GXYLT2: variants seen among roughly 807,000 people sequenced by gnomAD.
GXYLT2 encodes glucoside xylosyltransferase 2.
A neutral mutation model predicts 45.8 loss-of-function variants in GXYLT2; 53 were observed. The ratio of observed to expected loss-of-function variants is 1.16; its 90% CI spans 0.93 to 1.46. The LOEUF (loss-of-function observed/expected upper bound fraction) is 1.46, where lower values mean the gene tolerates loss of function less well. Among genes scored for constraint, GXYLT2 ranks in the 40% most tolerant of loss-of-function variants. GXYLT2 has a pLI of 0.00. For missense variants in GXYLT2, 551 were observed against 544.4 expected (o/e 1.01, Z -0.12); for synonymous variants, 219 against 214.2 (o/e 1.02, Z -0.19).
intron 2 of GXYLT2, among the ~76,000 whole-genome samples, chr3:72,910,215 T>C (rs1278813587): frequency 6.6e-6 from 1 of 152,142 alleles, no homozygotes; most frequent in Non-Finnish European, 1.5e-5. Context: ...AAGGTAACCT[T>C]TGAAGAAGGT....
At chr3:72,958,755 C>T (rs966623003) in intron 5 of GXYLT2, among the ~76,000 whole-genome samples, 3 of 151,400 alleles carry the variant, frequency 2.0e-5, no homozygotes, top group Admixed American at 6.6e-5. Flanking sequence ...CCTCAGCCTC[C>T]CAAGTAGCGG....
intron 3 of GXYLT2, among the ~76,000 whole-genome samples, chr3:72,950,175 T>G (rs1710494929): frequency 6.6e-6 from 1 of 151,646 alleles, no homozygotes; most frequent in Admixed American, 6.6e-5. Context: ...ACAAAAAAAT[T>G]AGCAGCTGGG....
chr3:72,897,024 AATG>A (rs1022031870), intron 1 of GXYLT2, among the ~76,000 whole-genome samples: 21 of 152,200 alleles, frequency 1.4e-4, no homozygotes, highest in Admixed American at 9.2e-4. Flanking sequence ...TAATAGTAAT[AATG>A]ATGATGATAA....
chr3:72,896,907 A>C (rs1037771917), intron 1 of GXYLT2, among the ~76,000 whole-genome samples: 8 of 152,142 alleles, frequency 5.3e-5, no homozygotes, highest in African/African-American at 1.9e-4. Context: ...AGTAAGGTAG[A>C]ATGTTGACAC....
At chr3:72,893,401 A>C (rs1709220028) in intron 1 of GXYLT2, among the ~76,000 whole-genome samples, 1 of 152,158 alleles carries the variant, frequency 6.6e-6, no homozygotes, top group East Asian at 1.9e-4. Context: ...GACTATGCTC[A>C]AATGTTTTCT....
chr3:72,957,301 A>C lies in GXYLT2; in HGVS notation c.925A>C (p.Ile309Leu), dbSNP rs775867982. The C allele has an allele frequency of 8.1e-6, 13 of 1,613,484 alleles. No homozygotes were observed. Among genetic ancestry groups the C allele is most frequent in the Non-Finnish European group, 1.1e-5 (13 of 1,179,570 alleles). The change falls in exon 5 of 7, where the codon ATC becomes CTC. Residue 309 changes from isoleucine (I) to leucine (L), a missense_variant. By Grantham distance (5) the Ile-to-Leu change is conservative (BLOSUM62 2). Coordinates refer to ENST00000389617, the MANE Select transcript of GXYLT2 (RefSeq NM_001080393.2). Reference sequence around the variant, plus strand: ...TCTGTACCAGAAGTACAAGAATGCCATCACGTGGGGAGACCAGGATTTATT... The same window carrying C: ...TCTGTACCAGAAGTACAAGAATGCCCTCACGTGGGGAGACCAGGATTTATT... The part of the protein sequence containing the change: ...YPLYQKYKNA[I>L]TWGDQDLLNI...
chr3:72,939,303 C>T (rs571768920), intron 3 of GXYLT2, among the ~76,000 whole-genome samples: 7 of 152,014 alleles, frequency 4.6e-5, no homozygotes, highest in South Asian at 4.2e-4. Context: ...AAAAATTAGC[C>T]GGGCGTGGTG....
chr3:72,899,253 T>G lies in GXYLT2; in HGVS notation c.276-9114T>G, dbSNP rs529276805. On this transcript the variant is annotated intron_variant, in intron 1 of 6. Transcript: ENST00000389617. ...TAGGCTCTGAACACCTCCCATGCGTTAGACCTAGACTTTGTTTAAGAATAC... is the reference window on the plus strand; with the variant it reads ...TAGGCTCTGAACACCTCCCATGCGTGAGACCTAGACTTTGTTTAAGAATAC... Among the ~76,000 whole-genome samples, 7 of 152,342 alleles carry G rather than the reference T, an allele frequency of 4.6e-5. No homozygotes were observed. The South Asian group carries it at 1.2e-3, about 27-fold the overall frequency.
At chr3:72,940,028 C>G (rs565889014) in intron 3 of GXYLT2, among the ~76,000 whole-genome samples, 58 of 152,138 alleles carry the variant, frequency 3.8e-4, no homozygotes, top group African/African-American at 1.4e-3. Flanking sequence ...CGCTGTGGCT[C>G]ACACCTTTAA....
At chr3:72,903,792 A>G (rs1268267447) in intron 1 of GXYLT2, among the ~76,000 whole-genome samples, 2 of 152,242 alleles carry the variant, frequency 1.3e-5, no homozygotes, top group Non-Finnish European at 2.9e-5. Context: ...CGAGGCAGGA[A>G]GAGTCAAAGT....
At chr3:72,967,822 T>C (rs929043890) in intron 6 of GXYLT2, 103 bp downstream of exon 6, 5 of 967,436 alleles carry the variant, frequency 5.2e-6, no homozygotes, top group African/African-American at 1.6e-5. Flanking sequence ...TCCCAAAGCA[T>C]AGAGTTATAC....
chr3:72,940,877 T>C (rs950180377), intron 3 of GXYLT2, among the ~76,000 whole-genome samples: 1 of 152,116 alleles, frequency 6.6e-6, no homozygotes, highest in African/African-American at 2.4e-5. Context: ...AGATTGGATC[T>C]GTATGTTGCC....
At chr3:72,913,433 G>A (rs1243915435) in intron 2 of GXYLT2, among the ~76,000 whole-genome samples, 3 of 151,560 alleles carry the variant, frequency 2.0e-5, no homozygotes, top group African/African-American at 2.4e-5. Flanking sequence ...GATGGCTCAC[G>A]CCTGTAATCC....
chr3:72,951,105 A>G (rs768225241), intron 3 of GXYLT2, among the ~76,000 whole-genome samples: 3 of 152,166 alleles, frequency 2.0e-5, no homozygotes, highest in Non-Finnish European at 4.4e-5. Context: ...CCATTATAAC[A>G]TGGCCAACAA....
chr3:72,905,087 A>G (rs1364792007), intron 1 of GXYLT2, among the ~76,000 whole-genome samples: 1 of 145,820 alleles, frequency 6.9e-6, no homozygotes, highest in Non-Finnish European at 1.5e-5. Context: ...AAAAAAAAAA[A>G]AGGAAAGAAA....
rs2107166286 is a variant in GXYLT2 at position 72,976,687 on chromosome 3, G to T, written c.*1528G>T. ...TCAGCATAGCAATATTTTGCATAAT[G>T]CTTTATTTTTCTCAAATGACTATTG... is the stretch of plus-strand genomic sequence containing the variant. On this transcript the variant is annotated 3_prime_UTR_variant, in exon 7 of 7. Transcript: ENST00000389617. 6.6e-6 allele frequency: 1 copy of T among 152,236 alleles called. No individual in the cohort carries two copies. Among genetic ancestry groups the T allele is most frequent in the East Asian group, 1.9e-4 (1 of 5,182 alleles). The allele number at this position is 152,236 out of a possible 1,614,324, so 9.4% of individuals were successfully genotyped here. A position where few individuals can be genotyped will look rare whatever the true frequency, so the allele number is the denominator to read the frequency against.
chr3:72,937,365 G>T (rs1015537034), intron 3 of GXYLT2, among the ~76,000 whole-genome samples: 3 of 152,206 alleles, frequency 2.0e-5, no homozygotes, highest in African/African-American at 7.2e-5. Context: ...AATAGTTTAA[G>T]AAATGCTGCT....
chr3:72,945,243 G>A (rs1327558456), intron 3 of GXYLT2, among the ~76,000 whole-genome samples: 1 of 151,928 alleles, frequency 6.6e-6, no homozygotes, highest in Non-Finnish European at 1.5e-5. Context: ...AGCTGAGATC[G>A]CGCCACTGCA....
At chr3:72,896,427 T>C (rs1709292014) in intron 1 of GXYLT2, among the ~76,000 whole-genome samples, 1 of 152,084 alleles carries the variant, frequency 6.6e-6, no homozygotes, top group South Asian at 2.1e-4. Context: ...GTTTTATATC[T>C]TTTAAAAAAG....
Sources: gnomAD v4.1 joint callset for allele counts (sites outside exome capture counted in the v4.1 genomes callset) on GRCh38, gnomAD v4.1.1 for gene constraint, MANE v1.5 for transcripts, NCBI Gene and HGNC (gene_info 2026-07-23, HGNC 2026-07-21) for gene names.